Variants in CCSER2 observed in about 807,000 individuals in gnomAD.
The protein encoded by CCSER2 is coiled-coil serine rich protein 2, also known as serine-rich coiled-coil domain-containing protein 2.
Under a neutral mutation model 92.3 loss-of-function variants are expected in CCSER2, and 46 were observed. That is an observed-to-expected ratio of 0.50 (90% CI 0.39 to 0.64). CCSER2 has a LOEUF of 0.64. Ranked by LOEUF, CCSER2 falls within the 30% of genes least tolerant of loss-of-function variation. CCSER2 has a pLI of 0.00. For missense variants in CCSER2, 1,244 were observed against 1,238.9 expected (o/e 1.00, Z -0.06); for synonymous variants, 433 against 431.4 (o/e 1.00, Z -0.04).
At chr10:84,384,353 T>C (rs1841074105) in intron 3 of CCSER2, among the ~76,000 whole-genome samples, 1 of 152,126 alleles carries the variant, frequency 6.6e-6, no homozygotes, top group Admixed American at 6.5e-5. Flanking sequence ...GTATCCTTGA[T>C]GAACACACAT....
chr10:84,470,987 A>G (rs1846757637), intron 8 of CCSER2, among the ~76,000 whole-genome samples: 1 of 152,100 alleles, frequency 6.6e-6, no homozygotes, highest in African/African-American at 2.4e-5. Context: ...TATGAAAACA[A>G]TATGTATGGT....
intron 3 of CCSER2, chr10:84,389,104 C>CTTTT: frequency 5.4e-6 from 1 of 183,638 alleles, no homozygotes; most frequent in Non-Finnish European, 1.1e-5. Context: ...CCAATAATAA[C>CTTTT]TTTTTTTTTT....
intron 3 of CCSER2, among the ~76,000 whole-genome samples, chr10:84,413,287 G>A (rs561930527): frequency 2.2e-4 from 34 of 152,056 alleles, no homozygotes; most frequent in African/African-American, 7.2e-4. Context: ...TGGGCATTTC[G>A]TGCTATAAAT....
intron 1 of CCSER2, among the ~76,000 whole-genome samples, chr10:84,340,462 G>A (rs549111790): frequency 1.5e-5 from 2 of 130,898 alleles, no homozygotes; most frequent in African/African-American, 7.0e-5. Context: ...AATTTGTACA[G>A]AATATACATA....
At chr10:84,496,286 C>G (rs567198295) in intron 9 of CCSER2, among the ~76,000 whole-genome samples, 24 of 152,186 alleles carry the variant, frequency 1.6e-4, no homozygotes, top group African/African-American at 5.8e-4. Context: ...CCAGTCCTCC[C>G]TTTCTTTTTT....
chr10:84,471,567 A>G (rs1846803124), intron 8 of CCSER2, among the ~76,000 whole-genome samples: 1 of 152,112 alleles, frequency 6.6e-6, no homozygotes, highest in African/African-American at 2.4e-5. Flanking sequence ...GTAAATTCTG[A>G]CCTTTAATGT....
intron 8 of CCSER2, among the ~76,000 whole-genome samples, chr10:84,471,499 A>G (rs917428883): frequency 1.8e-4 from 28 of 152,132 alleles, no homozygotes; most frequent in Non-Finnish European, 4.4e-5. Context: ...TGCAATTCAG[A>G]AAAGAGGTTA....
In CCSER2 at chr10:84,407,015, T is replaced by C. The variant is rs552325290; in HGVS notation, c.1615-10756T>C. Among the ~76,000 whole-genome samples, 4 of 152,322 alleles carry C rather than the reference T, an allele frequency of 2.6e-5. No homozygotes were observed. In the South Asian group the frequency reaches 8.3e-4, roughly 32 times the overall value. ...CCCCAAAAGATGGACAAGGGAAGAATTGCCTAAAGCAGATGTTAGAATTCA... is the reference window on the plus strand; with the variant it reads ...CCCCAAAAGATGGACAAGGGAAGAACTGCCTAAAGCAGATGTTAGAATTCA... On this transcript the variant is annotated intron_variant, in intron 3 of 9. Transcript: ENST00000372088.
At chr10:84,502,547 A>G (rs1408907881) in intron 9 of CCSER2, among the ~76,000 whole-genome samples, 1 of 151,682 alleles carries the variant, frequency 6.6e-6, no homozygotes, top group Admixed American at 6.6e-5. Flanking sequence ...AATTTTTTGT[A>G]TTTTTAGTAG....
At chr10:84,359,815 T>C (rs1480363043) in intron 1 of CCSER2, among the ~76,000 whole-genome samples, 4 of 152,082 alleles carry the variant, frequency 2.6e-5, no homozygotes, top group Non-Finnish European at 5.9e-5. Context: ...TTTATTTTTA[T>C]TTTATTTTTT....
intron 6 of CCSER2, chr10:84,452,072 T>C (rs1002347802): frequency 6.6e-5 from 10 of 152,202 alleles, no homozygotes; most frequent in African/African-American, 2.4e-4. Flanking sequence ...AGAAAGAAAA[T>C]GTCTCTGTCC....
chr10:84,457,287 T>TATATA (rs1554854304), intron 6 of CCSER2, among the ~76,000 whole-genome samples: 7,316 of 50,598 alleles, frequency 0.14, 610 homozygotes, highest in Admixed American at 0.2. Flanking sequence ...TATTATATAT[T>TATATA]ATATATTATA....
chr10:84,371,552 A>G lies in CCSER2; in HGVS notation c.500A>G (p.Asn167Ser), dbSNP rs148835960. Residue 167 changes from asparagine (N) to serine (S), a missense_variant, in exon 2 of 10, where the codon AAT becomes AGT. Asn to Ser is a conservative substitution (Grantham distance 46). Transcript: ENST00000372088. Reference protein sequence around the residue: ...LLGRTSYSSINTPKSQLNGFY... With the variant: ...LLGRTSYSSISTPKSQLNGFY... ...GGAAGGACTTCATATTCTTCGATCA[A>G]TACTCCAAAATCACAGTTGAATGGA... 369 of 1,613,718 alleles carry G rather than the reference A, an allele frequency of 2.3e-4. 2 individuals carry two copies. The highest frequency in any genetic ancestry group is 6.6e-4 in the Middle Eastern group (4 of 6,080).
chr10:84,428,462 C>T (rs1483875101), intron 5 of CCSER2, among the ~76,000 whole-genome samples: 5 of 152,190 alleles, frequency 3.3e-5, no homozygotes, highest in Admixed American at 3.3e-4. Context: ...GCTGTGTGGC[C>T]TGGCTCCTAA....
chr10:84,424,334 A>G (rs1843317202), intron 4 of CCSER2, among the ~76,000 whole-genome samples: 1 of 152,086 alleles, frequency 6.6e-6, no homozygotes, highest in Non-Finnish European at 1.5e-5. Context: ...AAATTGAAAT[A>G]AGTTCAAATG....
intron 1 of CCSER2, among the ~76,000 whole-genome samples, chr10:84,348,618 G>T (rs996200103): frequency 1.3e-5 from 2 of 152,308 alleles, no homozygotes; most frequent in East Asian, 3.9e-4. Context: ...CCACTACTCT[G>T]TGTAATGGAT....
chr10:84,367,655 C>A (rs1035683249), intron 1 of CCSER2, among the ~76,000 whole-genome samples: 15 of 151,784 alleles, frequency 9.9e-5, no homozygotes, highest in African/African-American at 3.6e-4. Flanking sequence ...ACTCTTGTTA[C>A]CTTAAGATTT....
intron 9 of CCSER2, among the ~76,000 whole-genome samples, chr10:84,485,963 A>G (rs544063888): frequency 8.6e-4 from 131 of 152,216 alleles, no homozygotes; most frequent in Non-Finnish European, 1.6e-3. Context: ...CTCATTGTTC[A>G]ATTCCCATCT....
chr10:84,491,787 G>C (rs1266691233), intron 9 of CCSER2, among the ~76,000 whole-genome samples: 4 of 152,214 alleles, frequency 2.6e-5, no homozygotes, highest in East Asian at 1.9e-4. Context: ...GATGAAACTG[G>C]TACCTCAGTT....
Sources: allele counts gnomAD v4.1 joint callset (sites outside exome capture counted in the v4.1 genomes callset), GRCh38; gene constraint gnomAD v4.1.1; transcripts MANE v1.5; gene names NCBI Gene and HGNC (gene_info 2026-07-23, HGNC 2026-07-21).